FKBP4: variants seen among roughly 807,000 people sequenced by gnomAD.
The protein encoded by FKBP4 is peptidyl-prolyl cis-trans isomerase FKBP4.
Under a neutral mutation model 54.1 loss-of-function variants are expected in FKBP4, and 28 were observed. The observed-to-expected ratio is 0.52, with a 90% CI of 0.38 to 0.71. The LOEUF is 0.71. Ranked by LOEUF, FKBP4 falls within the 30% of genes least tolerant of loss-of-function variation. The probability of loss-of-function intolerance (pLI) is 0.00; values close to 1 mark genes in which losing one functional copy is unlikely to be tolerated. For synonymous variants in FKBP4, 223 were observed against 216.1 expected (o/e 1.03, Z -0.28); for missense variants, 493 against 574.4 (o/e 0.86, Z 1.45).
In FKBP4 at chr12:2,800,104, G is replaced by A. The variant is rs1468196722; in HGVS notation, c.828G>A (p.Arg276=). 6.2e-7 allele frequency: 1 copy of A among 1,613,374 alleles called. No homozygotes were observed. Among genetic ancestry groups the A allele is most frequent in the Admixed American group, 1.7e-5 (1 of 60,016 alleles). Residue 276 remains arginine (R), a synonymous_variant, in exon 7 of 10, where the codon CGG becomes CGA. Transcript: ENST00000001008. ...AACAGAGCACCATAGTGAAAGAGCGGGGCACTGTGTACTTCAAGGTGAGCC... is the reference window on the plus strand; with the variant it reads ...AACAGAGCACCATAGTGAAAGAGCGAGGCACTGTGTACTTCAAGGTGAGCC... ...KLEQSTIVKE[R]GTVYFKEGKY... is the part of the protein sequence containing the mutation.
chr12:2,796,157 T>A, intron 1 of FKBP4: 1 of 1,268,460 alleles, frequency 7.9e-7, no homozygotes, highest in Non-Finnish European at 1.0e-6. Context: ...CTTCTCCCCA[T>A]CCGCTGCTGC....
chr12:2,805,121 G>A lies in FKBP4; in HGVS notation c.*1863G>A. 1 of 454,908 alleles carries A rather than the reference G, an allele frequency of 2.2e-6. No individual in the cohort carries two copies. The highest frequency in any genetic ancestry group is 4.4e-6 in the Non-Finnish European group (1 of 226,290). 28.2% of individuals were successfully genotyped at this position (454,908 alleles called of 1,614,324 possible). On this transcript the variant is annotated 3_prime_UTR_variant, in exon 10 of 10. Transcript: ENST00000001008. ...ATCACATGAGTGAAACTGAATCCTT[G>A]CAACCATCCTACAAAGAAGGTATAA...
rs758316677 is a variant in FKBP4, at chr12:2,801,242, C to T, written c.1158C>T (p.Asn386=). The T allele has an allele frequency of 1.4e-5, 22 of 1,613,426 alleles. No homozygotes were observed. In the African/African-American group the frequency reaches 2.3e-4, roughly 17 times the overall value. ...AGGTCCTGCAGCTCTACCCCAACAA[C>T]AAAGCCGCCAAGACCCAGCTGGCTG... The part of the protein sequence containing the change: ...FQKVLQLYPN[N]KAAKTQLAVC... The change falls in exon 9 of 10, where the codon AAC becomes AAT. Residue 386 remains asparagine, a synonymous_variant. Transcript: ENST00000001008.
intron 1 of FKBP4, chr12:2,796,427 A>G (rs1036400081): frequency 7.8e-7 from 1 of 1,278,032 alleles, no homozygotes; most frequent in Admixed American, 2.4e-5. Flanking sequence ...TACTCCTCAA[A>G]GCCCCTGTCT....
In FKBP4 at chr12:2,800,128, C is replaced by G; in HGVS notation, c.846+6C>G. ...GGGGCACTGTGTACTTCAAGGTGAGCCAACAGTCATTGTCCTAAGGACACT... is the reference window on the plus strand; with the variant it reads ...GGGGCACTGTGTACTTCAAGGTGAGGCAACAGTCATTGTCCTAAGGACACT... On this transcript the variant is annotated splice_donor_region_variant and intron_variant, in intron 7 of 9. Transcript: ENST00000001008. 6.2e-7 allele frequency: 1 copy of G among 1,612,400 alleles called. No individual in the cohort carries two copies. The highest frequency in any genetic ancestry group is 1.1e-5 in the South Asian group (1 of 91,034).
At position 2,798,896 on chromosome 12, in the gene FKBP4, C is replaced by T. The variant is rs144806228; in HGVS notation, c.514+70C>T. 7.6e-5 allele frequency: 117 copies of T among 1,540,474 alleles called. 2 individuals are homozygous for T. In the East Asian group the frequency reaches 2.5e-3, roughly 33 times the overall value. On this transcript the variant is annotated intron_variant, in intron 4 of 9. Coordinates refer to ENST00000001008, the MANE Select transcript of FKBP4 (RefSeq NM_002014.4). The surrounding 1 kb of genome is among the most constrained non-coding windows in gnomAD (Gnocchi z 4.3). ...AGGCCTTGTGTGGCTTTGGGCAAGA[C>T]ACTTCCGTTCTCCGAGCCTATCTTC...
rs1312153823 is a variant in FKBP4, at chr12:2,800,398, A to G, written c.853A>G (p.Lys285Glu). 6.2e-7 allele frequency: 1 copy of G among 1,610,320 alleles called. No individual in the cohort carries two copies. Residue 285 changes from lysine (K) to glutamate (E), a missense_variant, in exon 8 of 10, where the codon AAA (lysine) becomes GAA (glutamate). By Grantham distance (56) the Lys-to-Glu change is moderately conservative (BLOSUM62 1). Coordinates refer to ENST00000001008, the MANE Select transcript of FKBP4 (RefSeq NM_002014.4). ...ERGTVYFKEG[K>E]YKQALLQYKK... is the part of the protein sequence containing the mutation. ...AGCCTCTCTCCCATTCCAGGAAGGT[A>G]AATACAAGCAAGCTTTACTACAGTA...
At chr12:2,802,203 T>C (rs1318698938) in intron 9 of FKBP4, among the ~76,000 whole-genome samples, 1 of 152,172 alleles carries the variant, frequency 6.6e-6, no homozygotes, top group Admixed American at 6.5e-5. Context: ...AATGGCATGA[T>C]CTTGGCTCAC....
At position 2,803,237 on chromosome 12, in the gene FKBP4, T is replaced by G. The variant is rs1049028391; in HGVS notation, c.1359T>G (p.Ser453=). 1.8e-5 allele frequency: 28 copies of G among 1,592,422 alleles called. No individual in the cohort carries two copies. Among genetic ancestry groups the G allele is most frequent in the Non-Finnish European group, 2.3e-5 (27 of 1,170,622 alleles). Residue 453 remains serine, a synonymous_variant, in exon 10 of 10, where the codon TCT becomes TCG. Transcript: ENST00000001008. The part of the protein sequence containing the change: ...EQKSNTAGSQ[S]QVETEA ...AGAGCAACACGGCAGGGAGCCAGTC[T>G]CAGGTGGAGACAGAAGCATAGCCCC...
At position 2,795,173 on chromosome 12, in the gene FKBP4, G is replaced by C. The variant is rs764003311; in HGVS notation, c.34G>C (p.Gly12Arg). The C allele has an allele frequency of 4.6e-6, 6 of 1,317,548 alleles. No homozygotes were observed. The highest frequency in any genetic ancestry group is 3.1e-5 in the Admixed American group (1 of 32,650). 81.6% of individuals were successfully genotyped at this position (1,317,548 alleles called of 1,614,324 possible). ...TAEEMKATES[G>R]AQSAPLPMEG... ...CGAGGAGATGAAGGCGACCGAGAGC[G>C]GGGCGCAGTCGGCGCCGCTGCCCAT... Residue 12 changes from glycine (G) to arginine (R), a missense_variant, in exon 1 of 10, where the codon GGG (glycine) becomes CGG (arginine). By Grantham distance (125) the Gly-to-Arg change is moderately radical (BLOSUM62 -2). Coordinates refer to ENST00000001008, the MANE Select transcript of FKBP4 (RefSeq NM_002014.4). This position sits in a 1 kb window ranked among gnomAD's most constrained non-coding sequence, Gnocchi z 4.3.
chr12:2,799,138 C>G lies in FKBP4; in HGVS notation c.565C>G (p.Arg189Gly). Residue 189 changes from arginine to glycine, a missense_variant, in exon 5 of 10, where the codon CGC (arginine) becomes GGC (glycine). Arg to Gly is a moderately radical substitution (Grantham distance 125). Coordinates refer to ENST00000001008, the MANE Select transcript of FKBP4 (RefSeq NM_002014.4). ...KDKLFDQREL[R>G]FEIGEGENLD... Reference sequence around the variant, plus strand: ...CAAGCTCTTTGACCAGCGGGAGCTCCGCTTTGAGATTGGCGAGGGGGAGAA... The same window carrying G: ...CAAGCTCTTTGACCAGCGGGAGCTCGGCTTTGAGATTGGCGAGGGGGAGAA... 1 of 1,582,740 alleles carries G rather than the reference C, an allele frequency of 6.3e-7. No individual in the cohort carries two copies. The highest frequency in any genetic ancestry group is 8.6e-7 in the Non-Finnish European group (1 of 1,167,628).
At position 2,798,670 on chromosome 12, in the gene FKBP4, G is replaced by A; in HGVS notation, c.394-36G>A. On this transcript the variant is annotated intron_variant, in intron 3 of 9. Transcript: ENST00000001008. The surrounding 1 kb of genome is among the most constrained non-coding windows in gnomAD (Gnocchi z 4.3). The stretch of plus-strand genomic sequence containing the variant: ...ATTGTGTTTCACTGCCCATGAGTTA[G>A]CATGGGAAGGAATTGTGTCACATCT... 4 of 1,612,206 alleles carry A rather than the reference G, an allele frequency of 2.5e-6. No individual in the cohort carries two copies. The highest frequency in any genetic ancestry group is 3.4e-6 in the Non-Finnish European group (4 of 1,179,696).
chr12:2,800,697 G>C, intron 8 of FKBP4, 120 bp downstream of exon 8: 1 of 1,012,082 alleles, frequency 9.9e-7, no homozygotes, highest in South Asian at 1.7e-5. Context: ...ATCAGTGGGA[G>C]CTCTGAGGTT....
intron 9 of FKBP4, chr12:2,801,569 T>A: frequency 1.5e-6 from 1 of 684,936 alleles, no homozygotes; most frequent in African/African-American, 1.8e-5. Context: ...GTTGGGTTGG[T>A]TGCCCTGAGT....
In FKBP4 at chr12:2,799,841, C is replaced by T. The variant is rs778430423; in HGVS notation, c.672-9C>T. On this transcript the variant is annotated splice_polypyrimidine_tract_variant and intron_variant, in intron 5 of 9. Transcript: ENST00000001008. ...CCAAGATGATACATAGTGTTTTTCACCCCTCCAGCTATGCTTTTGGCAGTG... is the reference window on the plus strand; with the variant it reads ...CCAAGATGATACATAGTGTTTTTCATCCCTCCAGCTATGCTTTTGGCAGTG... 1.6e-5 allele frequency: 26 copies of T among 1,612,152 alleles called. 1 individual carries two copies. The African/African-American group carries it at 2.7e-4, about 17-fold the overall frequency.
At chr12:2,801,857 C>G in intron 9 of FKBP4, 1 of 281,674 alleles carries the variant, frequency 3.6e-6, no homozygotes, top group East Asian at 9.3e-5. Flanking sequence ...CCTCCCCCAC[C>G]AGAAGCAGCT....
intron 9 of FKBP4, chr12:2,801,575 T>G: frequency 1.5e-6 from 1 of 664,746 alleles, no homozygotes; most frequent in Non-Finnish European, 2.7e-6. Context: ...TTGGTTGCCC[T>G]GAGTGTAATT....
chr12:2,798,886 T>C lies in FKBP4; in HGVS notation c.514+60T>C. The C allele has an allele frequency of 6.3e-7, 1 of 1,582,348 alleles. No homozygotes were observed. The highest frequency in any genetic ancestry group is 1.3e-5 in the African/African-American group (1 of 74,420). ...TCTGATATTTAGGCCTTGTGTGGCTTTGGGCAAGACACTTCCGTTCTCCGA... is the reference window on the plus strand; with the variant it reads ...TCTGATATTTAGGCCTTGTGTGGCTCTGGGCAAGACACTTCCGTTCTCCGA... On this transcript the variant is annotated intron_variant, in intron 4 of 9. Coordinates refer to ENST00000001008, the MANE Select transcript of FKBP4 (RefSeq NM_002014.4). This position sits in a 1 kb window ranked among gnomAD's most constrained non-coding sequence, Gnocchi z 4.3.
Position 2,800,523 on chromosome 12 carries a change from C to T in FKBP4, c.978C>T (p.Ala326=). The T allele has an allele frequency of 6.2e-7, 1 of 1,613,996 alleles. No individual in the cohort carries two copies. Among genetic ancestry groups the T allele is most frequent in the Non-Finnish European group, 8.5e-7 (1 of 1,179,990 alleles). ...ALRLASHLNL[A]MCHLKLQAFS... is the part of the protein sequence containing the mutation. ...GACTGGCCTCTCACCTCAACCTGGC[C>T]ATGTGTCATCTGAAACTACAGGCCT... is the stretch of plus-strand genomic sequence containing the variant. The change falls in exon 8 of 10, where the codon GCC becomes GCT. Residue 326 remains alanine (A), a synonymous_variant. Transcript: ENST00000001008.
Sources: allele counts gnomAD v4.1 joint callset (sites outside exome capture counted in the v4.1 genomes callset), GRCh38; gene constraint gnomAD v4.1.1; non-coding constraint Gnocchi (gnomAD v3.1); transcripts MANE v1.5; gene names NCBI Gene and HGNC (gene_info 2026-07-23, HGNC 2026-07-21).